CRYL1: variants seen among roughly 807,000 people sequenced by gnomAD.
CRYL1 encodes the protein crystallin lambda 1.
In CRYL1, 29 loss-of-function variants were observed where a neutral mutation model predicts 36.6. That is an observed-to-expected ratio of 0.79 (90% CI 0.59 to 1.08). The LOEUF (loss-of-function observed/expected upper bound fraction) is 1.08, where lower values mean the gene tolerates loss of function less well. Ranked by LOEUF, CRYL1 falls within the 50% of genes least tolerant of loss-of-function variation. CRYL1 has a pLI of 0.00. For missense variants in CRYL1, 411 were observed against 407.9 expected, an observed-to-expected ratio of 1.01 and a Z score of -0.06; for synonymous variants, 152 against 151.5, an observed-to-expected ratio of 1.00 and a Z score of -0.02.
Position 20,432,265 on chromosome 13 carries a change from T to C in CRYL1, c.470A>G (p.Glu157Gly), listed in dbSNP as rs376289957. 21 of 1,612,820 alleles carry C rather than the reference T, an allele frequency of 1.3e-5. No individual in the cohort carries two copies. The highest frequency in any genetic ancestry group is 1.7e-5 in the Non-Finnish European group (20 of 1,179,542). Residue 157 changes from glutamate (E) to glycine (G), a missense_variant, in exon 5 of 8, where the codon GAG becomes GGG. Transcript: ENST00000298248. ...GGCCGTCTCCGGGTGGGGGACCAGC[T>C]CAACCAGCGGGATGTAGTATGGCGG... Reference protein sequence around the residue: ...VNPPYYIPLVELVPHPETAPT... With the variant: ...VNPPYYIPLVGLVPHPETAPT...
At position 20,425,659 on chromosome 13, in the gene CRYL1, G is replaced by GAAAT. The variant is rs973354767; in HGVS notation, c.633+6439_633+6442dup. On this transcript the variant is annotated intron_variant, in intron 5 of 7. Transcript: ENST00000298248. The surrounding 1 kb of genome is among the most constrained non-coding windows in gnomAD (Gnocchi z 4.4). Reference sequence around the variant, plus strand: ...CCAAGTGAACATAGCACATGTGAGAGAAATGTAAGCGGTAGTTACAGCAGC... The same window carrying GAAAT: ...CCAAGTGAACATAGCACATGTGAGAGAAATAAATGTAAGCGGTAGTTACAGCAGC... 1.3e-5 allele frequency among the ~76,000 whole-genome samples: 2 copies of GAAAT among 152,222 alleles called. No homozygotes were observed. The highest frequency in any genetic ancestry group is 4.8e-5 in the African/African-American group (2 of 41,448).
chr13:20,517,485 C>T (rs2034020715), intron 1 of CRYL1, among the ~76,000 whole-genome samples: 1 of 152,012 alleles, frequency 6.6e-6, no homozygotes, highest in South Asian at 2.1e-4. Context: ...ATCCCAGCTA[C>T]TCAGGAGGCT....
rs2031642280 is a variant in CRYL1 at position 20,415,610 on chromosome 13, A to T, written c.634-2223T>A. On this transcript the variant is annotated intron_variant, in intron 5 of 7. Coordinates refer to ENST00000298248, the MANE Select transcript of CRYL1 (RefSeq NM_015974.3). This position sits in a 1 kb window ranked among gnomAD's most constrained non-coding sequence, Gnocchi z 4.1. ...ACTTTGCGTTTCGTTTTGTTTGCGC[A>T]CACGGGACACAAGCATATCGAGGCT... 6.6e-6 allele frequency among the ~76,000 whole-genome samples: 1 copy of T among 152,198 alleles called. No homozygotes were observed. Among genetic ancestry groups the T allele is most frequent in the East Asian group, 1.9e-4 (1 of 5,178 alleles).
At chr13:20,510,401 C>T (rs2033891650) in intron 2 of CRYL1, among the ~76,000 whole-genome samples, 1 of 152,114 alleles carries the variant, frequency 6.6e-6, no homozygotes, top group Admixed American at 6.5e-5. Context: ...GCAAAGCCTA[C>T]ATACTGTATG....
At chr13:20,463,694 T>C (rs2032876958) in intron 3 of CRYL1, among the ~76,000 whole-genome samples, 2 of 152,238 alleles carry the variant, frequency 1.3e-5, no homozygotes, top group Non-Finnish European at 2.9e-5. Context: ...AACCATGACC[T>C]ATCATTTCAC....
At chr13:20,518,736 T>C (rs928071370) in intron 1 of CRYL1, among the ~76,000 whole-genome samples, 1 of 152,030 alleles carries the variant, frequency 6.6e-6, no homozygotes, top group African/African-American at 2.4e-5. Context: ...CCCGATGCGA[T>C]GGGAGGCGGG....
chr13:20,498,933 C>G (rs1166853271), intron 2 of CRYL1, among the ~76,000 whole-genome samples: 2 of 152,168 alleles, frequency 1.3e-5, no homozygotes, highest in Admixed American at 1.3e-4. Flanking sequence ...TGACAGACTT[C>G]CCAACAGCAA....
intron 2 of CRYL1, among the ~76,000 whole-genome samples, chr13:20,498,509 A>C (rs960712477): frequency 6.6e-6 from 1 of 152,208 alleles, no homozygotes; most frequent in Non-Finnish European, 1.5e-5. Flanking sequence ...TGGAGCATTG[A>C]TCTGCTCTTT....
intron 5 of CRYL1, among the ~76,000 whole-genome samples, chr13:20,424,068 C>T (rs949199302): frequency 1.3e-4 from 20 of 152,022 alleles, no homozygotes; most frequent in Admixed American, 9.8e-4. Flanking sequence ...CACGCCCGGC[C>T]GGGAATGGGC....
intron 5 of CRYL1, among the ~76,000 whole-genome samples, chr13:20,429,056 G>GC (rs1434346227): frequency 5.3e-5 from 8 of 152,072 alleles, no homozygotes; most frequent in Non-Finnish European, 1.0e-4. Context: ...AGTCCTAGTT[G>GC]CCCCCCGACC....
At chr13:20,459,480 A>G (rs2032763896) in intron 3 of CRYL1, among the ~76,000 whole-genome samples, 1 of 152,226 alleles carries the variant, frequency 6.6e-6, no homozygotes. Context: ...CTAGATAGAG[A>G]AAATGTGGTA....
At chr13:20,438,197 C>T (rs1431718101) in intron 4 of CRYL1, among the ~76,000 whole-genome samples, 1 of 152,174 alleles carries the variant, frequency 6.6e-6, no homozygotes, top group Non-Finnish European at 1.5e-5. Flanking sequence ...CAAGCTGCTG[C>T]TCTTCTTAGC....
rs545572843 is a variant in CRYL1 at position 20,425,462 on chromosome 13, G to A, written c.633+6640C>T. Among the ~76,000 whole-genome samples the A allele has an allele frequency of 3.3e-5, 5 of 152,306 alleles. No homozygotes were observed. Among genetic ancestry groups the A allele is most frequent in the Admixed American group, 2.6e-4 (4 of 15,302 alleles). The stretch of plus-strand genomic sequence containing the variant: ...ATTAGTGAAACGGCAGAGCCTCACC[G>A]GACTGCCAGAAAAGGACAGGCCACG... On this transcript the variant is annotated intron_variant, in intron 5 of 7. Coordinates refer to ENST00000298248, the MANE Select transcript of CRYL1 (RefSeq NM_015974.3). This position sits in a 1 kb window ranked among gnomAD's most constrained non-coding sequence, Gnocchi z 4.4.
intron 6 of CRYL1, chr13:20,406,072 CT>C (rs2031366534): frequency 6.6e-6 from 1 of 152,232 alleles, no homozygotes; most frequent in South Asian, 2.1e-4. Context: ...TGCTGCGACC[CT>C]GACTCATTTC....
At chr13:20,502,260 TTC>T (rs1221759534) in intron 2 of CRYL1, 3 of 152,280 alleles carry the variant, frequency 2.0e-5, no homozygotes, top group Admixed American at 2.0e-4. Flanking sequence ...GAAAACTACC[TTC>T]TGTCGCACAG....
At chr13:20,407,623 T>A (rs954482146) in intron 6 of CRYL1, among the ~76,000 whole-genome samples, 1 of 152,210 alleles carries the variant, frequency 6.6e-6, no homozygotes, top group Non-Finnish European at 1.5e-5. Context: ...CCCTGTATTT[T>A]TTCTTCTGTG....
intron 3 of CRYL1, chr13:20,472,850 A>G (rs77208326): frequency 0.031 from 4,727 of 152,516 alleles, 244 homozygotes; most frequent in African/African-American, 0.1. Flanking sequence ...GAGGCACCCC[A>G]GGAAATCACA....
At chr13:20,434,971 C>T (rs2032176301) in intron 4 of CRYL1, among the ~76,000 whole-genome samples, 1 of 152,286 alleles carries the variant, frequency 6.6e-6, no homozygotes, top group East Asian at 1.9e-4. Context: ...GCCCCTCTAT[C>T]TCATCCTCCC....
Position 20,507,746 on chromosome 13 carries a change from G to A in CRYL1, c.149+4697C>T, listed in dbSNP as rs140373570. On this transcript the variant is annotated intron_variant, in intron 2 of 7. Transcript: ENST00000298248. Reference sequence around the variant, plus strand: ...ATCCTGGCTAACACAGTGAAACCCCGTCTCTACTAAAAATATAAAAAATTA... The same window carrying A: ...ATCCTGGCTAACACAGTGAAACCCCATCTCTACTAAAAATATAAAAAATTA... Among the ~76,000 whole-genome samples the A allele has an allele frequency of 5.8e-3, 883 of 151,876 alleles. 10 individuals are homozygous for A. Among genetic ancestry groups the A allele is most frequent in the South Asian group, 0.015 (70 of 4,810 alleles).
Sources: allele counts gnomAD v4.1 joint callset (sites outside exome capture counted in the v4.1 genomes callset), GRCh38; gene constraint gnomAD v4.1.1; non-coding constraint Gnocchi (gnomAD v3.1); transcripts MANE v1.5; gene names NCBI Gene and HGNC (gene_info 2026-07-23, HGNC 2026-07-21).